DTHD1: variants seen among roughly 807,000 people sequenced by gnomAD.
DTHD1 encodes death domain-containing protein 1.
DTHD1 carries 59 observed loss-of-function variants against 74.8 expected under a neutral mutation model. The ratio of observed to expected loss-of-function variants is 0.79; its 90% CI spans 0.64 to 0.98. The LOEUF is 0.98. Ranked by LOEUF, DTHD1 falls within the 50% of genes least tolerant of loss-of-function variation. The pLI, the probability that DTHD1 is intolerant of heterozygous loss-of-function variation, is 0.00. For synonymous variants in DTHD1, 365 were observed against 371.1 expected (o/e 0.98, Z 0.19); for missense variants, 1,051 against 1,065.4 (o/e 0.99, Z 0.19).
chr4:36,284,488 A>T lies in DTHD1; in HGVS notation c.784A>T (p.Thr262Ser). 1 of 1,537,086 alleles carries T rather than the reference A, an allele frequency of 6.5e-7. No homozygotes were observed. Among genetic ancestry groups the T allele is most frequent in the Non-Finnish European group, 8.7e-7 (1 of 1,146,794 alleles). The change falls in exon 2 of 10, where the codon ACC becomes TCC. Residue 262 changes from threonine (T) to serine (S), a missense_variant. Transcript: ENST00000639862. ...TTCAGAAAGCCCAAGAGAAGAGATG[A>T]CCACATCCTCAATAATATGTGATAT... is the stretch of plus-strand genomic sequence containing the variant. The part of the protein sequence containing the change: ...ETSESPREEM[T>S]TSSIICDISK...
At chr4:36,302,309 A>C (rs1430201949) in intron 5 of DTHD1, among the ~76,000 whole-genome samples, 3 of 152,190 alleles carry the variant, frequency 2.0e-5, no homozygotes, top group African/African-American at 7.2e-5. Flanking sequence ...GACTACTTAG[A>C]TTATGTAGGG....
chr4:36,294,966 C>T lies in DTHD1; in HGVS notation c.1570C>T (p.Leu524Phe), dbSNP rs1319967224. 6 of 1,551,244 alleles carry T rather than the reference C, an allele frequency of 3.9e-6. No individual in the cohort carries two copies. The East Asian group carries it at 1.2e-4, about 32-fold the overall frequency. Reference protein sequence around the residue: ...PCSPYLDKNNLGSEIDHKRRA... With the variant: ...PCSPYLDKNNFGSEIDHKRRA... The stretch of plus-strand genomic sequence containing the variant: ...TTCTCCATACCTTGATAAAAACAAC[C>T]TTGGTTCTGAGATAGATCATAAAAG... The change falls in exon 5 of 10, where the codon CTT (leucine) becomes TTT (phenylalanine). Residue 524 changes from leucine (L) to phenylalanine (F), a missense_variant. Coordinates refer to ENST00000639862, the MANE Select transcript of DTHD1 (RefSeq NM_001170700.3).
chr4:36,282,043 T>C lies in DTHD1; in HGVS notation c.271+14T>C. On this transcript the variant is annotated intron_variant, in intron 1 of 9. Coordinates refer to ENST00000639862, the MANE Select transcript of DTHD1 (RefSeq NM_001170700.3). ...TCTCGAGAAAAGGCAAGTATTCTTT[T>C]TTTTAGTTTATTCTTTCTCTAAGAA... is the stretch of plus-strand genomic sequence containing the variant. The C allele has an allele frequency of 6.6e-7, 1 of 1,520,462 alleles. No homozygotes were observed. The highest frequency in any genetic ancestry group is 8.8e-7 in the Non-Finnish European group (1 of 1,130,346). The allele number at this position is 1,520,462 out of a possible 1,614,324, so 94.2% of individuals were successfully genotyped here. A position where few individuals can be genotyped will look rare whatever the true frequency, so the allele number is the denominator to read the frequency against.
At position 36,347,047 on chromosome 4, in the gene DTHD1, C is replaced by T. The variant is rs922727774; in HGVS notation, c.*3223C>T. Among the ~76,000 whole-genome samples, 1 of 152,150 alleles carries T rather than the reference C, an allele frequency of 6.6e-6. No individual in the cohort carries two copies. The highest frequency in any genetic ancestry group is 2.1e-4 in the South Asian group (1 of 4,830). ...AGACCCTGATTGATACCTCTCTGCACACCTTTCTTATGCTCCTAGCAACGT... is the reference window on the plus strand; with the variant it reads ...AGACCCTGATTGATACCTCTCTGCATACCTTTCTTATGCTCCTAGCAACGT... On this transcript the variant is annotated 3_prime_UTR_variant, in exon 10 of 10. Transcript: ENST00000639862.
intron 5 of DTHD1, among the ~76,000 whole-genome samples, chr4:36,302,286 C>T (rs1397876781): frequency 6.6e-6 from 1 of 152,170 alleles, no homozygotes; most frequent in African/African-American, 2.4e-5. Context: ...TGGGACCATA[C>T]ATGAAGACTG....
intron 7 of DTHD1, among the ~76,000 whole-genome samples, chr4:36,309,285 C>A (rs949971722): frequency 6.6e-6 from 1 of 151,990 alleles, no homozygotes; most frequent in African/African-American, 2.4e-5. Flanking sequence ...AAAATACACA[C>A]AACACACACA....
chr4:36,294,705 C>T (rs1260722251), intron 4 of DTHD1, 90 bp from the exon 5 acceptor site: 8 of 1,264,706 alleles, frequency 6.3e-6, no homozygotes, highest in South Asian at 1.9e-5. Context: ...AACTATGCTG[C>T]ATAGAATTTT....
rs950295282 is a variant in DTHD1 at position 36,344,516 on chromosome 4, A to G, written c.*692A>G. On this transcript the variant is annotated 3_prime_UTR_variant, in exon 10 of 10. Transcript: ENST00000639862. ...TAAAGACCTGGAATCAATAGGAAGG[A>G]AATGCCTGGGCTATGATAAGAAGTT... 3.3e-5 allele frequency: 5 copies of G among 152,260 alleles called. No individual in the cohort carries two copies. The highest frequency in any genetic ancestry group is 7.3e-5 in the Non-Finnish European group (5 of 68,066). The allele number at this position is 152,260 out of a possible 1,614,324, so 9.4% of individuals were successfully genotyped here.
intron 7 of DTHD1, 55 bp from the exon 8 acceptor site, chr4:36,316,187 G>A (rs776791627): frequency 2.6e-6 from 4 of 1,511,558 alleles, no homozygotes; most frequent in Non-Finnish European, 2.7e-6. Context: ...CGCCTGCCTC[G>A]GCCTCCCAAA....
In DTHD1 at chr4:36,343,853, G is replaced by A; in HGVS notation, c.*29G>A. On this transcript the variant is annotated 3_prime_UTR_variant, in exon 10 of 10. Coordinates refer to ENST00000639862, the MANE Select transcript of DTHD1 (RefSeq NM_001170700.3). ...CCTGATCTCTCTTCCTTTACCCCTA[G>A]GAAAAGGCACACGGTGGGTTTTTGT... The A allele has an allele frequency of 1.3e-6, 2 of 1,506,494 alleles. No homozygotes were observed. Among genetic ancestry groups the A allele is most frequent in the Non-Finnish European group, 1.8e-6 (2 of 1,125,886 alleles). The allele number at this position is 1,506,494 out of a possible 1,614,324, so 93.3% of individuals were successfully genotyped here.
intron 2 of DTHD1, among the ~76,000 whole-genome samples, chr4:36,285,235 C>T (rs930015412): frequency 2.0e-5 from 3 of 152,130 alleles, no homozygotes; most frequent in Non-Finnish European, 4.4e-5. Flanking sequence ...ATCATGAATA[C>T]TTTGCAAATT....
rs1759618342 is a variant in DTHD1, at chr4:36,346,939, T to C, written c.*3115T>C. On this transcript the variant is annotated 3_prime_UTR_variant, in exon 10 of 10. Coordinates refer to ENST00000639862, the MANE Select transcript of DTHD1 (RefSeq NM_001170700.3). ...GAGTAACTGTGTTATTCCTTGCAGT[T>C]CCCCTACATCCTGCTCTCCCCTTTT... 1.3e-5 allele frequency among the ~76,000 whole-genome samples: 2 copies of C among 152,080 alleles called. No homozygotes were observed. The highest frequency in any genetic ancestry group is 4.8e-5 in the African/African-American group (2 of 41,420).
intron 8 of DTHD1, among the ~76,000 whole-genome samples, chr4:36,322,205 T>TAGAAAGTA (rs1325403217): frequency 6.6e-6 from 1 of 152,156 alleles, no homozygotes; most frequent in East Asian, 1.9e-4. Context: ...CTTCCATAAC[T>TAGAAAGTA]AGAAAGTAAG....
At chr4:36,316,704 A>G (rs1462543154) in intron 8 of DTHD1, among the ~76,000 whole-genome samples, 2 of 152,202 alleles carry the variant, frequency 1.3e-5, no homozygotes, top group African/African-American at 2.4e-5. Context: ...AATGCTTCAG[A>G]TTGGTCTGGT....
intron 8 of DTHD1, among the ~76,000 whole-genome samples, chr4:36,335,743 T>C (rs73121607): frequency 0.027 from 4,161 of 152,222 alleles, 190 homozygotes; most frequent in African/African-American, 0.095. Flanking sequence ...GGTAATTGAG[T>C]AGATGTAACC....
Position 36,339,142 on chromosome 4 carries a change from A to G in DTHD1, c.2371A>G (p.Thr791Ala), listed in dbSNP as rs1258085323. Residue 791 changes from threonine to alanine, a missense_variant, in exon 9 of 10, where the codon ACC (threonine) becomes GCC (alanine). Thr to Ala is a moderately conservative substitution (Grantham distance 58, BLOSUM62 0). Coordinates refer to ENST00000639862, the MANE Select transcript of DTHD1 (RefSeq NM_001170700.3). ...HKKLINRPQS[T>A]KRVSKDPVEA... ...GAAATTAATCAACCGTCCACAGAGT[A>G]CCAAAAGAGTTTCTAAGGATCCTGT... 1 of 1,548,308 alleles carries G rather than the reference A, an allele frequency of 6.5e-7. No homozygotes were observed. Among genetic ancestry groups the G allele is most frequent in the South Asian group, 1.2e-5 (1 of 83,808 alleles).
intron 7 of DTHD1, 99 bp downstream of exon 7, chr4:36,308,592 G>A: frequency 1.0e-6 from 1 of 959,330 alleles, no homozygotes; most frequent in Non-Finnish European, 1.5e-6. Context: ...AACCTTCAGA[G>A]GATTGACGAG....
chr4:36,339,873 C>A (rs948498927), intron 9 of DTHD1, among the ~76,000 whole-genome samples: 5 of 152,118 alleles, frequency 3.3e-5, no homozygotes, highest in Non-Finnish European at 7.4e-5. Flanking sequence ...AGAATAAACA[C>A]CATATTATAA....
intron 9 of DTHD1, among the ~76,000 whole-genome samples, chr4:36,340,605 C>A (rs1759262292): frequency 6.6e-6 from 1 of 152,132 alleles, no homozygotes; most frequent in African/African-American, 2.4e-5. Flanking sequence ...GAAGGAAAGA[C>A]CATCATTGAT....
Sources: gnomAD v4.1 joint callset for allele counts (sites outside exome capture counted in the v4.1 genomes callset) on GRCh38, gnomAD v4.1.1 for gene constraint, MANE v1.5 for transcripts, NCBI Gene and HGNC (gene_info 2026-07-23, HGNC 2026-07-21) for gene names.